QTMAN: variants seen among roughly 807,000 people sequenced by gnomAD.
QTMAN encodes queuosine-tRNA mannosyltransferase, also known as tRNA-queuosine alpha-mannosyltransferase.
At chr2:144,065,584 G>T in the QTMAN span, among the ~76,000 whole-genome samples, 5 of 152,020 alleles carry the variant, frequency 3.3e-5, no homozygotes, top group Admixed American at 2.0e-4. Context: ...TGCCCTTTCA[G>T]ACCCAGGGGT....
At chr2:144,107,403 T>G in the QTMAN span, among the ~76,000 whole-genome samples, 1 of 151,684 alleles carries the variant, frequency 6.6e-6, no homozygotes, top group Non-Finnish European at 1.5e-5. Flanking sequence ...ATAGACACAA[T>G]AAAAAATGAT....
chr2:144,096,864 G>A, the QTMAN span, among the ~76,000 whole-genome samples: 3 of 152,228 alleles, frequency 2.0e-5, no homozygotes, highest in Admixed American at 6.5e-5. Flanking sequence ...ACATTCCACA[G>A]CAGTGCACTG....
chr2:144,287,976 T>A, the QTMAN span, among the ~76,000 whole-genome samples: 1 of 152,166 alleles, frequency 6.6e-6, no homozygotes, highest in African/African-American at 2.4e-5. Flanking sequence ...TGCCTCAGCC[T>A]CCCAAGTAGC....
chr2:143,984,116 C>T, the QTMAN span, among the ~76,000 whole-genome samples: 1 of 152,100 alleles, frequency 6.6e-6, no homozygotes, highest in Non-Finnish European at 1.5e-5. Context: ...GTTCATTATT[C>T]CTTCTCATGA....
the QTMAN span, among the ~76,000 whole-genome samples, chr2:144,075,113 C>T: frequency 1.3e-5 from 2 of 152,148 alleles, no homozygotes; most frequent in Non-Finnish European, 2.9e-5. Context: ...CTCACTGATT[C>T]TACCTTACTC....
the QTMAN span, among the ~76,000 whole-genome samples, chr2:143,988,540 T>C: frequency 6.6e-6 from 1 of 152,216 alleles, no homozygotes; most frequent in African/African-American, 2.4e-5. Flanking sequence ...CAGGAACTGC[T>C]CTAAGACCAG....
the QTMAN span, among the ~76,000 whole-genome samples, chr2:144,133,131 A>ATATATATATATATATATATAATATAATAT: frequency 2.5e-4 from 12 of 48,610 alleles, no homozygotes; most frequent in Non-Finnish European, 1.9e-4. Context: ...ATATATATAT[A>ATATATATATATATATATATAATATAATAT]TATATATATA....
At chr2:144,209,326 A>T in the QTMAN span, among the ~76,000 whole-genome samples, 2 of 152,350 alleles carry the variant, frequency 1.3e-5, no homozygotes, top group East Asian at 3.9e-4. Context: ...CATCAGGTAT[A>T]ACTGCCCCTA....
At chr2:144,200,384 T>A in the QTMAN span, among the ~76,000 whole-genome samples, 9 of 152,284 alleles carry the variant, frequency 5.9e-5, no homozygotes, top group Non-Finnish European at 1.2e-4. Context: ...TAAAATACAA[T>A]CACATGAAAT....
At chr2:144,220,762 C>G in the QTMAN span, among the ~76,000 whole-genome samples, 8 of 152,108 alleles carry the variant, frequency 5.3e-5, no homozygotes, top group Admixed American at 2.0e-4. Context: ...AACAAACAGC[C>G]TGAATTATTT....
At chr2:144,226,452 A>G in the QTMAN span, among the ~76,000 whole-genome samples, 4 of 152,188 alleles carry the variant, frequency 2.6e-5, no homozygotes, top group Non-Finnish European at 4.4e-5. Flanking sequence ...CTTAAGGGCC[A>G]AATAAAACTA....
At chr2:144,167,700 G>A in the QTMAN span, among the ~76,000 whole-genome samples, 3 of 151,966 alleles carry the variant, frequency 2.0e-5, no homozygotes, top group African/African-American at 7.3e-5. Flanking sequence ...GTTTCCTGAG[G>A]TCTCCCTAGC....
the QTMAN span, among the ~76,000 whole-genome samples, chr2:144,282,970 G>A: frequency 6.6e-6 from 1 of 152,196 alleles, no homozygotes; most frequent in Non-Finnish European, 1.5e-5. Context: ...CGTGCTCAGA[G>A]TGGCACACCC....
At chr2:144,054,103 G>C in the QTMAN span, among the ~76,000 whole-genome samples, 1 of 152,096 alleles carries the variant, frequency 6.6e-6, no homozygotes, top group Admixed American at 6.5e-5. Context: ...CAGGAGAATG[G>C]CTCGAACCTG....
the QTMAN span, among the ~76,000 whole-genome samples, chr2:144,106,738 G>C: frequency 6.6e-6 from 1 of 152,142 alleles, no homozygotes; most frequent in Non-Finnish European, 1.5e-5. Context: ...ATTGAACTCA[G>C]CTCTGCACCA....
the QTMAN span, among the ~76,000 whole-genome samples, chr2:144,230,540 T>C: frequency 2.0e-5 from 3 of 152,070 alleles, no homozygotes; most frequent in Non-Finnish European, 4.4e-5. Flanking sequence ...ATTCAACTTA[T>C]GCTTCAGAAA....
chr2:144,091,025 G>C, the QTMAN span, among the ~76,000 whole-genome samples: 1 of 151,784 alleles, frequency 6.6e-6, no homozygotes, highest in African/African-American at 2.4e-5. Flanking sequence ...AGAATAAAGA[G>C]TTGAGAAACA....
chr2:144,320,681 C>G, the QTMAN span, among the ~76,000 whole-genome samples: 2 of 152,196 alleles, frequency 1.3e-5, no homozygotes, highest in African/African-American at 4.8e-5. Context: ...TACTAGACAT[C>G]AGTCTAGTCT....
the QTMAN span, among the ~76,000 whole-genome samples, chr2:144,017,978 T>C: frequency 1.3e-5 from 2 of 152,216 alleles, no homozygotes; most frequent in Non-Finnish European, 2.9e-5. Context: ...CAAAGAATTG[T>C]ATTCACGCCT....
Sources: allele counts gnomAD v4.1 joint callset (sites outside exome capture counted in the v4.1 genomes callset), GRCh38; gene constraint gnomAD v4.1.1; transcripts MANE v1.5; gene names NCBI Gene and HGNC (gene_info 2026-07-23, HGNC 2026-07-21).